The following RNF170 variants were observed in gnomAD, a reference collection of about 807,000 sequenced individuals.
RNF170 encodes E3 ubiquitin-protein ligase RNF170.
A neutral mutation model predicts 32.7 loss-of-function variants in RNF170; 12 were observed. That is an observed-to-expected ratio of 0.37 (90% CI 0.24 to 0.60). The LOEUF (loss-of-function observed/expected upper bound fraction) is 0.60. Among genes scored for constraint, RNF170 ranks in the 20% least tolerant of loss-of-function variants. The pLI, the probability that RNF170 is intolerant of heterozygous loss-of-function variation, is 0.72. For missense variants in RNF170, 212 were observed against 311.2 expected (o/e 0.68, Z 2.40); for synonymous variants, 91 against 103.6 (o/e 0.88, Z 0.74).
intron 6 of RNF170, among the ~76,000 whole-genome samples, chr8:42,857,504 G>A (rs1282278016): frequency 6.6e-6 from 1 of 152,148 alleles, no homozygotes; most frequent in East Asian, 1.9e-4. Flanking sequence ...TTGTAATACA[G>A]TATCATCATT....
At chr8:42,874,795 T>A (rs1804789152) in intron 2 of RNF170, among the ~76,000 whole-genome samples, 1 of 151,972 alleles carries the variant, frequency 6.6e-6, no homozygotes, top group Non-Finnish European at 1.5e-5. Flanking sequence ...ACTAATCTCT[T>A]GACATTAACA....
At chr8:42,865,263 A>G (rs1381946528) in intron 5 of RNF170, among the ~76,000 whole-genome samples, 153 bp downstream of exon 5, 1 of 151,502 alleles carries the variant, frequency 6.6e-6, no homozygotes, top group Non-Finnish European at 1.5e-5. Context: ...AAAAATAAAA[A>G]TAATAATAAT....
chr8:42,850,861 A>T (rs1802922086), downstream of RNF170: 1 of 1,551,608 alleles, frequency 6.4e-7, no homozygotes, highest in Non-Finnish European at 8.7e-7. Context: ...GGCTGAAGGG[A>T]GCATTCGGTC....
chr8:42,855,410 A>G lies in RNF170; in HGVS notation c.*749T>C, dbSNP rs960893079. The G allele has an allele frequency of 7.3e-6, 5 of 683,052 alleles. No individual in the cohort carries two copies. The South Asian group carries it at 8.0e-5, about 11-fold the overall frequency. The allele number at this position is 683,052 out of a possible 1,614,324, so 42.3% of individuals were successfully genotyped here. A position where few individuals can be genotyped will look rare whatever the true frequency, so the allele number is the denominator to read the frequency against. ...GTATTTTTAGTAGAGACGGGGTTTCACCATGTTAGCCAGGATGGTCCTGAT... is the reference window on the plus strand; with the variant it reads ...GTATTTTTAGTAGAGACGGGGTTTCGCCATGTTAGCCAGGATGGTCCTGAT... On this transcript the variant is annotated 3_prime_UTR_variant, in exon 7 of 7. Coordinates refer to ENST00000527424, the MANE Select transcript of RNF170 (RefSeq NM_030954.4).
chr8:42,892,672 G>C lies in RNF170; in HGVS notation c.-8+3812C>G, dbSNP rs1806403758. Among the ~76,000 whole-genome samples, 3 of 145,830 alleles carry C rather than the reference G, an allele frequency of 2.1e-5. 1 individual carries two copies. The highest frequency in any genetic ancestry group is 4.5e-5 in the Non-Finnish European group (3 of 67,256). ...CATGTTATTTGGAGGCTCTGTTGCA[G>C]CGTTTTTTTTTTTTTTTTTAAACCC... On this transcript the variant is annotated intron_variant, in intron 1 of 6. Coordinates refer to ENST00000527424, the MANE Select transcript of RNF170 (RefSeq NM_030954.4).
intron 3 of RNF170, 49 bp downstream of exon 3, chr8:42,873,882 G>T: frequency 9.9e-7 from 1 of 1,008,736 alleles, no homozygotes; most frequent in Non-Finnish European, 1.6e-6. Flanking sequence ...AATTTCACAT[G>T]CAAAGGGAGC....
At chr8:42,881,357 T>C (rs962054276) in intron 2 of RNF170, 4 of 152,182 alleles carry the variant, frequency 2.6e-5, no homozygotes, top group African/African-American at 7.2e-5. Context: ...TGCACTAACT[T>C]TGGCATCAAT....
chr8:42,868,852 A>C (rs986887752), intron 4 of RNF170, among the ~76,000 whole-genome samples: 3 of 134,402 alleles, frequency 2.2e-5, no homozygotes, highest in Non-Finnish European at 3.2e-5. Context: ...ACTGCATTTC[A>C]AAAAAAAAAA....
At chr8:42,881,439 G>A (rs1489010558) in intron 2 of RNF170, 1 of 152,182 alleles carries the variant, frequency 6.6e-6, no homozygotes, top group African/African-American at 2.4e-5. Context: ...GATGAAAACA[G>A]AGCAGGTCAA....
chr8:42,851,434 G>A (rs1397592075), downstream of RNF170, among the ~76,000 whole-genome samples: 1 of 151,822 alleles, frequency 6.6e-6, no homozygotes, highest in Non-Finnish European at 1.5e-5. Context: ...GTGTGGTGGT[G>A]GGCATCTGTA....
chr8:42,864,527 T>C (rs1211977282), intron 5 of RNF170, among the ~76,000 whole-genome samples: 1 of 152,212 alleles, frequency 6.6e-6, no homozygotes, highest in Non-Finnish European at 1.5e-5. Context: ...TTGTTCAGTA[T>C]TTCATTTCTC....
chr8:42,851,985 G>A (rs1410505896), downstream of RNF170, among the ~76,000 whole-genome samples: 4 of 152,138 alleles, frequency 2.6e-5, no homozygotes, highest in Admixed American at 6.6e-5. Context: ...AGAGTCAAAC[G>A]GCCTTTAATA....
At chr8:42,875,888 G>T (rs1222099470) in intron 2 of RNF170, among the ~76,000 whole-genome samples, 1 of 152,066 alleles carries the variant, frequency 6.6e-6, no homozygotes, top group Non-Finnish European at 1.5e-5. Context: ...ACCTGTTAAA[G>T]CTTGATGCAT....
chr8:42,878,402 TA>T (rs1223335958), intron 2 of RNF170, among the ~76,000 whole-genome samples: 10 of 152,296 alleles, frequency 6.6e-5, no homozygotes, highest in Non-Finnish European at 1.2e-4. Context: ...ACATAAATGA[TA>T]AAAAAGCAAA....
At chr8:42,890,585 T>C (rs908850567) in intron 1 of RNF170, among the ~76,000 whole-genome samples, 3 of 152,156 alleles carry the variant, frequency 2.0e-5, no homozygotes, top group African/African-American at 4.8e-5. Context: ...CCTGTGATTA[T>C]ACTCTTAAGA....
chr8:42,854,301 T>A lies in RNF170; in HGVS notation c.*1858A>T. 7.8e-7 allele frequency: 1 copy of A among 1,287,254 alleles called. No homozygotes were observed. The highest frequency in any genetic ancestry group is 1.5e-5 in the African/African-American group (1 of 65,924). 79.7% of individuals were successfully genotyped at this position (1,287,254 alleles called of 1,614,324 possible). On this transcript the variant is annotated 3_prime_UTR_variant, in exon 7 of 7. Transcript: ENST00000527424. ...TTCCTCTTAACAACTTTCACGTCTA[T>A]CTAAACATTCTATGCAGGAGTCCTA...
chr8:42,856,905 T>C (rs1803284227), intron 6 of RNF170, among the ~76,000 whole-genome samples: 2 of 152,170 alleles, frequency 1.3e-5, no homozygotes, highest in South Asian at 2.1e-4. Context: ...GCAAGGACTG[T>C]TAAGAACGAA....
rs191485129 is a variant in RNF170, at chr8:42,896,110, G to A, written c.-8+374C>T. On this transcript the variant is annotated intron_variant, in intron 1 of 6. Transcript: ENST00000527424. Reference sequence around the variant, plus strand: ...TTAAGCGAAGGCAACTCCGAACGCTGAGAAACGCAGGCCCGGGGTCGGCCG... The same window carrying A: ...TTAAGCGAAGGCAACTCCGAACGCTAAGAAACGCAGGCCCGGGGTCGGCCG... 6.1e-3 allele frequency: 1,322 copies of A among 216,042 alleles called. 11 individuals carry two copies. Among genetic ancestry groups the A allele is most frequent in the Non-Finnish European group, 9.5e-3 (998 of 104,790 alleles). 13.4% of individuals were successfully genotyped at this position (216,042 alleles called of 1,614,324 possible).
chr8:42,859,741 C>T (rs543229371), intron 6 of RNF170, among the ~76,000 whole-genome samples: 3 of 152,150 alleles, frequency 2.0e-5, no homozygotes, highest in African/African-American at 7.2e-5. Flanking sequence ...CTCTGCCTCC[C>T]GGGCTCAAGC....
Sources: allele counts gnomAD v4.1 joint callset (sites outside exome capture counted in the v4.1 genomes callset), GRCh38; gene constraint gnomAD v4.1.1; transcripts MANE v1.5; gene names NCBI Gene and HGNC (gene_info 2026-07-23, HGNC 2026-07-21).